DLG2: variants seen among roughly 807,000 people sequenced by gnomAD.
DLG2 encodes discs large MAGUK scaffold protein 2.
A neutral mutation model predicts 132.5 loss-of-function variants in DLG2; 45 were observed. That is an observed-to-expected ratio of 0.34 (90% CI 0.27 to 0.44). The LOEUF is 0.44. DLG2 is among the 20% of genes least tolerant of loss of function. The probability of loss-of-function intolerance (pLI) is 1.00; values close to 1 mark genes in which losing one functional copy is unlikely to be tolerated. For missense variants in DLG2, 1,045 were observed against 1,196.9 expected, an observed-to-expected ratio of 0.87 and a Z score of 1.87; for synonymous variants, 424 against 419.6, an observed-to-expected ratio of 1.01 and a Z score of -0.13.
intron 3 of DLG2, among the ~76,000 whole-genome samples, chr11:85,498,145 A>G (rs1389963480): frequency 6.6e-6 from 1 of 152,210 alleles, no homozygotes; most frequent in African/African-American, 2.4e-5. Flanking sequence ...AAATAAAATA[A>G]AGAGTCAAGA....
At chr11:85,045,231 G>T (rs2062226550) in intron 6 of DLG2, among the ~76,000 whole-genome samples, 1 of 151,992 alleles carries the variant, frequency 6.6e-6, no homozygotes, top group Non-Finnish European at 1.5e-5. Context: ...GAGGTAGTCT[G>T]CCTATGTCCA....
chr11:84,837,516 C>T (rs1260624839), intron 6 of DLG2, among the ~76,000 whole-genome samples: 1 of 151,754 alleles, frequency 6.6e-6, no homozygotes, highest in Non-Finnish European at 1.5e-5. Flanking sequence ...TTAGTAAAAA[C>T]TGCCCTAAAT....
chr11:84,649,577 G>A (rs1298305270), intron 6 of DLG2, among the ~76,000 whole-genome samples: 1 of 152,150 alleles, frequency 6.6e-6, no homozygotes, highest in African/African-American at 2.4e-5. Flanking sequence ...TGTGTGTTTT[G>A]TAACATGTTT....
chr11:84,824,890 C>T (rs1169707732), intron 6 of DLG2, among the ~76,000 whole-genome samples: 1 of 151,822 alleles, frequency 6.6e-6, no homozygotes, highest in East Asian at 2.0e-4. Flanking sequence ...GCCACATCTC[C>T]CATATTATAG....
At chr11:84,549,178 T>C (rs868041696) in intron 6 of DLG2, among the ~76,000 whole-genome samples, 1 of 152,270 alleles carries the variant, frequency 6.6e-6, no homozygotes, top group South Asian at 2.1e-4. Context: ...CGGGAATAAA[T>C]TTGCTGGAGA....
At chr11:84,223,391 T>C (rs1251816958) in intron 8 of DLG2, among the ~76,000 whole-genome samples, 1 of 152,156 alleles carries the variant, frequency 6.6e-6, no homozygotes, top group African/African-American at 2.4e-5. Flanking sequence ...TCTCTGTGTT[T>C]TCTAGCCACT....
chr11:84,586,469 A>C (rs1298667500), intron 6 of DLG2, among the ~76,000 whole-genome samples: 1 of 152,112 alleles, frequency 6.6e-6, no homozygotes, highest in Non-Finnish European at 1.5e-5. Flanking sequence ...TTTTAGGCTC[A>C]TGTATCATCA....
chr11:85,078,561 T>C (rs181676551), intron 6 of DLG2, among the ~76,000 whole-genome samples: 1 of 152,010 alleles, frequency 6.6e-6, no homozygotes, highest in Non-Finnish European at 1.5e-5. Flanking sequence ...TTTAGTGAGA[T>C]GGAAACTCAG....
chr11:83,887,275 C>T (rs554237182), intron 15 of DLG2, among the ~76,000 whole-genome samples: 117 of 152,034 alleles, frequency 7.7e-4, no homozygotes, highest in African/African-American at 2.7e-3. Context: ...ATATCACCAC[C>T]GATCTCACAG....
At chr11:83,758,376 T>A (rs921600865) in intron 18 of DLG2, among the ~76,000 whole-genome samples, 1 of 152,162 alleles carries the variant, frequency 6.6e-6, no homozygotes, top group Admixed American at 6.5e-5. Context: ...GGGGACTGGA[T>A]CCCTTGATCC....
At chr11:84,173,745 C>T (rs1454001099) in intron 8 of DLG2, among the ~76,000 whole-genome samples, 2 of 152,138 alleles carry the variant, frequency 1.3e-5, no homozygotes, top group African/African-American at 4.8e-5. Context: ...AAATAATCAA[C>T]AAAAGCTTTT....
At chr11:85,384,699 G>A (rs1424900402) in intron 3 of DLG2, among the ~76,000 whole-genome samples, 1 of 152,136 alleles carries the variant, frequency 6.6e-6, no homozygotes, top group Non-Finnish European at 1.5e-5. Flanking sequence ...CCCCAAGTAG[G>A]TGGGACTACA....
intron 4 of DLG2, among the ~76,000 whole-genome samples, chr11:85,232,550 A>C (rs944194497): frequency 1.3e-5 from 2 of 151,976 alleles, no homozygotes; most frequent in Non-Finnish European, 2.9e-5. Context: ...AGATAGAATA[A>C]GGCATTTCCA....
At chr11:83,571,812 A>G (rs1049376283) in intron 19 of DLG2, among the ~76,000 whole-genome samples, 2 of 152,180 alleles carry the variant, frequency 1.3e-5, no homozygotes, top group Non-Finnish European at 2.9e-5. Flanking sequence ...TTTAATGGCT[A>G]ATGTCAACAT....
At chr11:84,684,403 G>A (rs2099736222) in intron 6 of DLG2, among the ~76,000 whole-genome samples, 1 of 152,098 alleles carries the variant, frequency 6.6e-6, no homozygotes, top group Non-Finnish European at 1.5e-5. Flanking sequence ...TCCAGAAATT[G>A]AGTTTCTAAG....
intron 6 of DLG2, among the ~76,000 whole-genome samples, chr11:84,897,948 A>G (rs919928354): frequency 6.6e-6 from 1 of 151,898 alleles, no homozygotes; most frequent in Non-Finnish European, 1.5e-5. Flanking sequence ...TATAAAAAAG[A>G]CTGAAGTCTA....
chr11:84,229,241 G>T (rs550813138), intron 8 of DLG2, among the ~76,000 whole-genome samples: 1 of 152,008 alleles, frequency 6.6e-6, no homozygotes, highest in African/African-American at 2.4e-5. Flanking sequence ...AAAAAAGAGC[G>T]AACACAGAGA....
chr11:85,103,253 GCTAATC>G (rs1177913754), intron 6 of DLG2, among the ~76,000 whole-genome samples: 1 of 151,896 alleles, frequency 6.6e-6, no homozygotes, highest in Non-Finnish European at 1.5e-5. Flanking sequence ...AAATTCATAA[GCTAATC>G]CTAAAATGCA....
rs146839225 is a variant in DLG2 at position 83,712,219 on chromosome 11, C to A, written c.1825+74471G>T. Reference sequence around the variant, plus strand: ...AAAGATACATGCACGTGTATGTTCACTGCAGCACTATTCACAATAGTAAAG... The same window carrying A: ...AAAGATACATGCACGTGTATGTTCAATGCAGCACTATTCACAATAGTAAAG... On this transcript the variant is annotated intron_variant, in intron 18 of 27. Coordinates refer to ENST00000376104, the MANE Select transcript of DLG2 (RefSeq NM_001142699.3). Among the ~76,000 whole-genome samples, 1,005 of 152,250 alleles carry A rather than the reference C, an allele frequency of 6.6e-3. 9 individuals carry two copies. Among genetic ancestry groups the A allele is most frequent in the African/African-American group, 0.023 (949 of 41,542 alleles).
Sources: allele counts gnomAD v4.1 joint callset (sites outside exome capture counted in the v4.1 genomes callset), GRCh38; gene constraint gnomAD v4.1.1; transcripts MANE v1.5; gene names NCBI Gene and HGNC (gene_info 2026-07-23, HGNC 2026-07-21).